The following NPAS3 variants were observed in gnomAD, a reference collection of about 807,000 sequenced individuals.
The protein encoded by NPAS3 is neuronal PAS domain protein 3.
NPAS3 carries 14 observed loss-of-function variants against 73.1 expected under a neutral mutation model. The observed-to-expected ratio is 0.19, with a 90% CI of 0.13 to 0.30. The LOEUF is 0.30. Ranked by LOEUF, NPAS3 falls within the 10% of genes least tolerant of loss-of-function variation. NPAS3 has a pLI of 1.00. For missense variants in NPAS3, 1,096 were observed against 1,250.0 expected (o/e 0.88, Z 1.86); for synonymous variants, 620 against 541.5 (o/e 1.14, Z -2.01).
intron 1 of NPAS3, among the ~76,000 whole-genome samples, chr14:33,044,928 G>C (rs2138441242): frequency 6.6e-6 from 1 of 152,228 alleles, no homozygotes; most frequent in East Asian, 1.9e-4. Context: ...AGGTGGCTCT[G>C]TTCCACAGGT....
chr14:33,383,129 A>G (rs1038798168), intron 4 of NPAS3, among the ~76,000 whole-genome samples: 19 of 151,064 alleles, frequency 1.3e-4, no homozygotes, highest in African/African-American at 4.4e-4. Context: ...TTTTAGATAT[A>G]CATGCATGCA....
intron 1 of NPAS3, among the ~76,000 whole-genome samples, chr14:32,998,554 A>G (rs1159371542): frequency 7.2e-5 from 11 of 152,226 alleles, no homozygotes; most frequent in Non-Finnish European, 1.0e-4. Context: ...AAACAATTCA[A>G]CAAACTTTCA....
At chr14:33,799,802 G>T in exon 12 of NPAS3, 1 of 1,613,106 alleles carries the variant, frequency 6.2e-7, no homozygotes, top group Non-Finnish European at 8.5e-7. Context: ...CCCGGAGCCC[G>T]ACCGGAAGAA....
chr14:33,273,935 A>G (rs916630277), intron 3 of NPAS3, among the ~76,000 whole-genome samples: 1 of 152,110 alleles, frequency 6.6e-6, no homozygotes, highest in Non-Finnish European at 1.5e-5. Context: ...CTAGACCCCA[A>G]TTTCCTAACT....
At chr14:33,505,613 A>G (rs1044667198) in intron 4 of NPAS3, among the ~76,000 whole-genome samples, 1 of 152,066 alleles carries the variant, frequency 6.6e-6, no homozygotes, top group Non-Finnish European at 1.5e-5. Flanking sequence ...ATTAAAAATA[A>G]CTGAGCCATA....
intron 4 of NPAS3, among the ~76,000 whole-genome samples, chr14:33,472,131 G>A (rs552607648): frequency 2.9e-4 from 44 of 152,330 alleles, no homozygotes; most frequent in Non-Finnish European, 5.3e-4. Context: ...TGCTGGAGGT[G>A]ACTGCAGTTA....
intron 6 of NPAS3, among the ~76,000 whole-genome samples, chr14:33,727,154 T>TA (rs1298511379): frequency 2.6e-5 from 4 of 152,010 alleles, no homozygotes; most frequent in African/African-American, 7.2e-5. Context: ...GCCAGAATGT[T>TA]AAAAAAATAA....
intron 2 of NPAS3, among the ~76,000 whole-genome samples, chr14:33,130,078 T>G (rs2043577879): frequency 6.6e-6 from 1 of 152,194 alleles, no homozygotes; most frequent in African/African-American, 2.4e-5. Context: ...CTGTATGTGT[T>G]AACGTTTTTT....
chr14:33,648,935 G>T (rs2058911618), intron 5 of NPAS3, among the ~76,000 whole-genome samples: 1 of 152,156 alleles, frequency 6.6e-6, no homozygotes, highest in Non-Finnish European at 1.5e-5. Context: ...ATGAACAGCA[G>T]CGAATTGTGA....
upstream of NPAS3, among the ~76,000 whole-genome samples, chr14:32,937,910 G>A (rs922940709): frequency 6.6e-6 from 1 of 152,052 alleles, no homozygotes. Context: ...CTCTGACCAG[G>A]GTCTACCCAG....
At chr14:33,692,836 TAAAAAAAAAAAA>T (rs34684535) in intron 6 of NPAS3, among the ~76,000 whole-genome samples, 15 of 64,054 alleles carry the variant, frequency 2.3e-4, no homozygotes, top group African/African-American at 6.8e-4. Context: ...CCCAATGTCT[TAAAAAAAAAAAA>T]AAAAAAAAAA....
At chr14:33,153,416 G>T (rs956164401) in intron 2 of NPAS3, among the ~76,000 whole-genome samples, 5 of 152,048 alleles carry the variant, frequency 3.3e-5, no homozygotes, top group African/African-American at 4.8e-5. Flanking sequence ...GTCCTCTTGG[G>T]CTGATTAGCT....
At chr14:32,986,772 G>A (rs1455727773) in intron 1 of NPAS3, among the ~76,000 whole-genome samples, 1 of 152,178 alleles carries the variant, frequency 6.6e-6, no homozygotes, top group Non-Finnish European at 1.5e-5. Context: ...GATTGAGCTG[G>A]GCTGTGGGAA....
chr14:33,497,891 C>A (rs138750880), intron 4 of NPAS3, among the ~76,000 whole-genome samples: 1 of 151,990 alleles, frequency 6.6e-6, no homozygotes, highest in Non-Finnish European at 1.5e-5. Flanking sequence ...ACAAAACGAC[C>A]GTCAGAGTGA....
intron 1 of NPAS3, among the ~76,000 whole-genome samples, chr14:33,041,560 G>A (rs1327538232): frequency 1.3e-5 from 2 of 152,134 alleles, no homozygotes; most frequent in African/African-American, 4.8e-5. Context: ...TGAGGTACCT[G>A]TGACCATATA....
intron 2 of NPAS3, among the ~76,000 whole-genome samples, chr14:33,110,045 C>T (rs974411974): frequency 4.0e-5 from 6 of 151,634 alleles, no homozygotes; most frequent in East Asian, 1.9e-4. Context: ...GTGTCCTGGC[C>T]GAGAGCTCTC....
At chr14:33,159,952 A>C (rs780299059) in intron 2 of NPAS3, among the ~76,000 whole-genome samples, 2 of 152,214 alleles carry the variant, frequency 1.3e-5, no homozygotes, top group Non-Finnish European at 2.9e-5. Context: ...TTTTAACTGC[A>C]AGAGACAAGT....
At chr14:33,480,569 C>CTCCCTTCCTCTCTCTCTCTCCTTCTGGG (rs563396002) in intron 4 of NPAS3, among the ~76,000 whole-genome samples, 2 of 125,538 alleles carry the variant, frequency 1.6e-5, no homozygotes, top group African/African-American at 6.7e-5. Flanking sequence ...CCCTCCCTCC[C>CTCCCTTCCTCTCTCTCTCTCCTTCTGGG]TCCCTCTCTC....
At chr14:33,706,222 G>A (rs1031185678) in intron 6 of NPAS3, among the ~76,000 whole-genome samples, 4 of 152,192 alleles carry the variant, frequency 2.6e-5, no homozygotes, top group African/African-American at 9.7e-5. Context: ...GTTTCTGTAT[G>A]TAAGCAGAGG....
Sources: allele counts gnomAD v4.1 joint callset (sites outside exome capture counted in the v4.1 genomes callset), GRCh38; gene constraint gnomAD v4.1.1; transcripts MANE v1.5; gene names NCBI Gene and HGNC (gene_info 2026-07-23, HGNC 2026-07-21).